Variants in DPP9 observed in about 807,000 individuals in gnomAD.
DPP9 encodes the protein dipeptidyl peptidase 9, also known as dipeptidyl peptidase IV-related protein-2.
Under a neutral mutation model 110.7 loss-of-function variants are expected in DPP9, and 50 were observed. The ratio of observed to expected loss-of-function variants is 0.45; its 90% CI spans 0.36 to 0.57. The LOEUF (loss-of-function observed/expected upper bound fraction) is 0.57, where lower values mean the gene tolerates loss of function less well. Ranked by LOEUF, DPP9 falls within the 20% of genes least tolerant of loss-of-function variation. The probability of loss-of-function intolerance (pLI) is 0.00; values close to 1 mark genes in which losing one functional copy is unlikely to be tolerated. For synonymous variants in DPP9, 561 were observed against 514.4 expected (o/e 1.09, Z -1.23); for missense variants, 1,022 against 1,217.9 (o/e 0.84, Z 2.39).
chr19:4,714,203 C>T lies in DPP9; in HGVS notation c.191G>A (p.Arg64Gln), dbSNP rs376189669. 8.7e-6 allele frequency: 14 copies of T among 1,607,724 alleles called. No homozygotes were observed. The highest frequency in any genetic ancestry group is 6.7e-5 in the African/African-American group (5 of 74,918). Reference protein sequence around the residue: ...QVQKHSWDGLRSIIHGSRKYS... With the variant: ...QVQKHSWDGLQSIIHGSRKYS... Reference sequence around the variant, plus strand: ...CTTGCGGCTGCCGTGGATGATGCTCCGGAGCCCGTCCCACGAGTGCTTCTG... The same window carrying T: ...CTTGCGGCTGCCGTGGATGATGCTCTGGAGCCCGTCCCACGAGTGCTTCTG... The change falls in exon 4 of 22, where the codon CGG (arginine) becomes CAG (glutamine). Residue 64 changes from arginine to glutamine, a missense_variant. Physicochemically the swap from Arg to Gln is conservative, Grantham distance 43 (BLOSUM62 1). This residue lies in a region of DPP9 where 810 missense variants were observed against 920.6 expected (regional missense o/e 0.88). Coordinates refer to ENST00000262960, the MANE Select transcript of DPP9 (RefSeq NM_139159.5).
Position 4,689,604 on chromosome 19 carries a change from G to A in DPP9, c.1715C>T (p.Thr572Met), listed in dbSNP as rs201223662. 183 of 1,573,296 alleles carry A rather than the reference G, an allele frequency of 1.2e-4. No homozygotes were observed. Among genetic ancestry groups the A allele is most frequent in the Non-Finnish European group, 1.4e-4 (160 of 1,160,534 alleles). Residue 572 changes from threonine (T) to methionine (M), a missense_variant, in exon 15 of 22, where the codon ACG becomes ATG. Coordinates refer to ENST00000262960, the MANE Select transcript of DPP9 (RefSeq NM_139159.5). The surrounding 1 kb of genome is among the most constrained non-coding windows in gnomAD (Gnocchi z 7.0). ...EAAGEIVRLTTPGFSHSCSMS... is the reference protein window; with the variant it reads ...EAAGEIVRLTMPGFSHSCSMS... ...GGAGCAGCTATGGGAGAAGCCGGGC[G>A]TGGTGAGGCGTACGATCTCGCCGGC...
chr19:4,719,751 G>T, intron 3 of DPP9, 100 bp downstream of exon 3: 3 of 1,375,554 alleles, frequency 2.2e-6, no homozygotes, highest in Non-Finnish European at 1.0e-6. Flanking sequence ...GGGAAGCCAG[G>T]GGAGAGGGAA....
chr19:4,714,487 T>C (rs2092984580), intron 3 of DPP9, 150 bp from the exon 4 acceptor site: 1 of 979,460 alleles, frequency 1.0e-6, no homozygotes, highest in Non-Finnish European at 1.4e-6. Context: ...TGGGTTGGTC[T>C]ACCTCTCTCC....
rs953888791 is a variant in DPP9 at position 4,698,332 on chromosome 19, C to G, written c.1075-681G>C. Reference sequence around the variant, plus strand: ...GGAGGATCAAAGGGAGAAACGGCAGCAGGGCCTCCAGCTCTACCACTTGAG... The same window carrying G: ...GGAGGATCAAAGGGAGAAACGGCAGGAGGGCCTCCAGCTCTACCACTTGAG... On this transcript the variant is annotated intron_variant, in intron 10 of 21. Coordinates refer to ENST00000262960, the MANE Select transcript of DPP9 (RefSeq NM_139159.5). The surrounding 1 kb of genome is among the most constrained non-coding windows in gnomAD (Gnocchi z 4.2). Among the ~76,000 whole-genome samples the G allele has an allele frequency of 5.3e-5, 8 of 152,226 alleles. No individual in the cohort carries two copies. Among genetic ancestry groups the G allele is most frequent in the Non-Finnish European group, 8.8e-5 (6 of 68,040 alleles).
rs2088838139 is a variant in DPP9 at position 4,676,450 on chromosome 19, G to C, written c.*114C>G. On this transcript the variant is annotated 3_prime_UTR_variant, in exon 22 of 22. Transcript: ENST00000262960. This position sits in a 1 kb window ranked among gnomAD's most constrained non-coding sequence, Gnocchi z 4.0. ...CGGCTCCTCGGGGCTGGCCAGCGCT[G>C]GGCGGGACAAAGTGCCTCACTGGGG... 7.7e-6 allele frequency: 7 copies of C among 907,136 alleles called. 1 individual carries two copies. The highest frequency in any genetic ancestry group is 1.2e-5 in the Non-Finnish European group (7 of 571,952). 56.2% of individuals were successfully genotyped at this position (907,136 alleles called of 1,614,324 possible).
At position 4,697,433 on chromosome 19, in the gene DPP9, C is replaced by T. The variant is rs565505903; in HGVS notation, c.1175+118G>A. 2.5e-5 allele frequency: 21 copies of T among 832,438 alleles called. 1 individual carries two copies. The highest frequency in any genetic ancestry group is 2.2e-4 in the South Asian group (13 of 58,038). 51.6% of individuals were successfully genotyped at this position (832,438 alleles called of 1,614,324 possible). On this transcript the variant is annotated intron_variant, in intron 11 of 21. Coordinates refer to ENST00000262960, the MANE Select transcript of DPP9 (RefSeq NM_139159.5). ...GAGGCCTGTCCTGGCGGTTGCACTG[C>T]GGGAAGACGTGAGCAGATGGAAGGA...
Position 4,693,517 on chromosome 19 carries a change from G to A in DPP9, c.1516+1144C>T, listed in dbSNP as rs548281975. Among the ~76,000 whole-genome samples, 1 of 152,202 alleles carries A rather than the reference G, an allele frequency of 6.6e-6. No homozygotes were observed. Among genetic ancestry groups the A allele is most frequent in the African/African-American group, 2.4e-5 (1 of 41,548 alleles). ...TGAGTCTGTCTTAGACTGGACCTGCGGAGCCCTCCGGGCATCCATGCCGCC... is the reference window on the plus strand; with the variant it reads ...TGAGTCTGTCTTAGACTGGACCTGCAGAGCCCTCCGGGCATCCATGCCGCC... On this transcript the variant is annotated intron_variant, in intron 13 of 21. Coordinates refer to ENST00000262960, the MANE Select transcript of DPP9 (RefSeq NM_139159.5). This position sits in a 1 kb window ranked among gnomAD's most constrained non-coding sequence, Gnocchi z 5.0.
At chr19:4,696,533 G>A (rs1016988758) in intron 11 of DPP9, among the ~76,000 whole-genome samples, 21 of 152,070 alleles carry the variant, frequency 1.4e-4, no homozygotes, top group Non-Finnish European at 4.4e-5. Context: ...AGCCGAGGGG[G>A]GCGGATCACA....
At chr19:4,692,136 G>A (rs2091383565) in intron 13 of DPP9, among the ~76,000 whole-genome samples, 1 of 152,118 alleles carries the variant, frequency 6.6e-6, no homozygotes, top group Non-Finnish European at 1.5e-5. Flanking sequence ...AGATGCTGGT[G>A]AAAGCGCTAG....
At chr19:4,713,932 T>C in intron 4 of DPP9, 149 bp downstream of exon 4, 1 of 1,267,450 alleles carries the variant, frequency 7.9e-7, no homozygotes, top group Non-Finnish European at 1.1e-6. Flanking sequence ...CAGAGCTGTC[T>C]GTGGCTGAGC....
At position 4,676,874 on chromosome 19, in the gene DPP9, T is replaced by G. The variant is rs1206401177; in HGVS notation, c.2587-218A>C. 1.3e-5 allele frequency among the ~76,000 whole-genome samples: 2 copies of G among 152,164 alleles called. No homozygotes were observed. The highest frequency in any genetic ancestry group is 2.9e-5 in the Non-Finnish European group (2 of 68,042). ...CGGACCTCACAGTCTTTGGGAGGAT[T>G]TGGTAAGACAAAGTTTACAAAACGC... On this transcript the variant is annotated intron_variant, in intron 21 of 21. Coordinates refer to ENST00000262960, the MANE Select transcript of DPP9 (RefSeq NM_139159.5). This position sits in a 1 kb window ranked among gnomAD's most constrained non-coding sequence, Gnocchi z 4.0.
At chr19:4,678,412 C>T (rs1415081913) in intron 21 of DPP9, among the ~76,000 whole-genome samples, 1 of 152,258 alleles carries the variant, frequency 6.6e-6, no homozygotes, top group Non-Finnish European at 1.5e-5. Flanking sequence ...CACGCCCGGC[C>T]TGAATGCTTT....
At position 4,682,207 on chromosome 19, in the gene DPP9, C is replaced by T. The variant is rs2090002069; in HGVS notation, c.2474+489G>A. On this transcript the variant is annotated intron_variant, in intron 20 of 21. Coordinates refer to ENST00000262960, the MANE Select transcript of DPP9 (RefSeq NM_139159.5). The surrounding 1 kb of genome is among the most constrained non-coding windows in gnomAD (Gnocchi z 7.1). ...TGCATGGGATTCCGGGGAACATTTTCTGGAGACGTGCCAGAAAATGGGAAC... is the reference window on the plus strand; with the variant it reads ...TGCATGGGATTCCGGGGAACATTTTTTGGAGACGTGCCAGAAAATGGGAAC... 1.3e-5 allele frequency among the ~76,000 whole-genome samples: 2 copies of T among 152,150 alleles called. No individual in the cohort carries two copies. Among genetic ancestry groups the T allele is most frequent in the Non-Finnish European group, 2.9e-5 (2 of 68,030 alleles).
intron 3 of DPP9, 145 bp from the exon 4 acceptor site, chr19:4,714,482 T>C: frequency 9.5e-7 from 1 of 1,051,950 alleles, no homozygotes; most frequent in South Asian, 1.7e-5. Flanking sequence ...CTTCTTGGGT[T>C]GGTCTACCTC....
intron 14 of DPP9, among the ~76,000 whole-genome samples, chr19:4,690,227 C>T (rs148935801): frequency 2.6e-5 from 4 of 152,332 alleles, no homozygotes; most frequent in South Asian, 4.1e-4. Flanking sequence ...CGTGGAGCAG[C>T]GGGGCCCCTC....
chr19:4,714,628 G>A (rs1453578763), intron 3 of DPP9, among the ~76,000 whole-genome samples: 16 of 152,132 alleles, frequency 1.1e-4, no homozygotes. Context: ...CTGGCCACAA[G>A]CAATCCTCCT....
Position 4,683,566 on chromosome 19 carries a change from T to C in DPP9, c.2242A>G (p.Ile748Val). The C allele has an allele frequency of 1.9e-6, 3 of 1,613,436 alleles. No homozygotes were observed. The highest frequency in any genetic ancestry group is 2.5e-6 in the Non-Finnish European group (3 of 1,179,854). The change falls in exon 19 of 22, where the codon ATC becomes GTC. Residue 748 changes from isoleucine (I) to valine (V), a missense_variant. Transcript: ENST00000262960. Reference protein sequence around the residue: ...LQFVAEKYGFIDLSRVAIHGW... With the variant: ...LQFVAEKYGFVDLSRVAIHGW... ...TGGATGGCAACTCGGCTCAGGTCGA[T>C]GAAGCCATACTTCTCGGCCACGAAC...
rs1055668245 is a variant in DPP9 at position 4,698,147 on chromosome 19, T to G, written c.1075-496A>C. Among the ~76,000 whole-genome samples, 2 of 152,180 alleles carry G rather than the reference T, an allele frequency of 1.3e-5. No individual in the cohort carries two copies. The highest frequency in any genetic ancestry group is 4.8e-5 in the African/African-American group (2 of 41,452). On this transcript the variant is annotated intron_variant, in intron 10 of 21. Coordinates refer to ENST00000262960, the MANE Select transcript of DPP9 (RefSeq NM_139159.5). The surrounding 1 kb of genome is among the most constrained non-coding windows in gnomAD (Gnocchi z 4.2). ...AGGTGCCTGGACCCAAAGGCTCTGG[T>G]CTGGGCTGTCCCTTAGAGCCAGGTG... is the stretch of plus-strand genomic sequence containing the variant.
chr19:4,688,717 C>A, intron 16 of DPP9, 40 bp downstream of exon 16: 4 of 1,386,976 alleles, frequency 2.9e-6, no homozygotes, highest in South Asian at 1.8e-5. Context: ...TACAGCCGGG[C>A]GGGCGGAGGC....
Sources: allele counts gnomAD v4.1 joint callset (sites outside exome capture counted in the v4.1 genomes callset), GRCh38; gene constraint gnomAD v4.1.1; regional missense constraint gnomAD v4.1.1; non-coding constraint Gnocchi (gnomAD v3.1); transcripts MANE v1.5; gene names NCBI Gene and HGNC (gene_info 2026-07-23, HGNC 2026-07-21).